The following FAM110B variants were observed in gnomAD, a reference collection of about 807,000 sequenced individuals.
The protein encoded by FAM110B is protein FAM110B.
FAM110B carries 6 observed loss-of-function variants against 20.4 expected under a neutral mutation model. The observed-to-expected ratio is 0.29, with a 90% CI of 0.16 to 0.58. The LOEUF is 0.58. FAM110B is among the 20% of genes least tolerant of loss of function. The pLI is 0.90. For synonymous variants in FAM110B, 226 were observed against 214.1 expected, an observed-to-expected ratio of 1.06 and a Z score of -0.49; for missense variants, 434 against 498.2, an observed-to-expected ratio of 0.87 and a Z score of 1.23.
At chr8:58,092,403 A>AC (rs1177699057) in intron 3 of FAM110B, among the ~76,000 whole-genome samples, 2 of 150,372 alleles carry the variant, frequency 1.3e-5, no homozygotes, top group Non-Finnish European at 3.0e-5. Flanking sequence ...CTAACCCCCT[A>AC]CCCCCCGACA....
At chr8:57,999,146 A>G (rs1804244072) in intron 1 of FAM110B, among the ~76,000 whole-genome samples, 1 of 152,236 alleles carries the variant, frequency 6.6e-6, no homozygotes, top group South Asian at 2.1e-4. Flanking sequence ...CATGTGGATG[A>G]TTAAACAGTT....
rs1312922316 is a variant in FAM110B, at chr8:58,139,270, C to A, written c.-324-6637C>A. On this transcript the variant is annotated intron_variant, in intron 3 of 3. Coordinates refer to ENST00000519262, the MANE Select transcript of FAM110B (RefSeq NM_001377989.1). ...TCAAGAAGATTATTTTACTTGCAAT[C>A]CGGAGCTGATTGCTGATGGCAATGC... Among the ~76,000 whole-genome samples the A allele has an allele frequency of 2.0e-5, 3 of 152,168 alleles. No individual in the cohort carries two copies. In the East Asian group the frequency reaches 5.8e-4, roughly 29 times the overall value.
chr8:58,105,530 C>T (rs930059660), intron 3 of FAM110B, among the ~76,000 whole-genome samples: 14 of 133,068 alleles, frequency 1.1e-4, no homozygotes, highest in Non-Finnish European at 2.1e-4. Context: ...GAAACCTTGT[C>T]TGAAAATGAA....
At chr8:58,116,006 G>A (rs952401312) in intron 3 of FAM110B, among the ~76,000 whole-genome samples, 1 of 152,160 alleles carries the variant, frequency 6.6e-6, no homozygotes, top group South Asian at 2.1e-4. Flanking sequence ...TAAACTCTGT[G>A]TACCAGGTCC....
At chr8:57,998,647 A>G (rs1585798454) in intron 1 of FAM110B, among the ~76,000 whole-genome samples, 1 of 152,362 alleles carries the variant, frequency 6.6e-6, no homozygotes, top group African/African-American at 2.4e-5. Flanking sequence ...TTCTCAAAGA[A>G]GCTAAATGTA....
At position 58,146,425 on chromosome 8, in the gene FAM110B, G is replaced by A. The variant is rs1175129405; in HGVS notation, c.195G>A (p.Gln65=). 10 of 1,613,846 alleles carry A rather than the reference G, an allele frequency of 6.2e-6. No homozygotes were observed. The highest frequency in any genetic ancestry group is 1.3e-5 in the African/African-American group (1 of 74,954). ...ACAAGGCCAAGTACGTCAAGAGCCA[G>A]GAGGTGATCAACGCCAAGCAGGAGC... The part of the protein sequence containing the change: ...EADKAKYVKS[Q]EVINAKQEPV... The change falls in exon 4 of 4, where the codon CAG becomes CAA. Residue 65 remains glutamine, a synonymous_variant. Coordinates refer to ENST00000519262, the MANE Select transcript of FAM110B (RefSeq NM_001377989.1).
intron 3 of FAM110B, among the ~76,000 whole-genome samples, chr8:58,075,863 A>G (rs1445431164): frequency 2.0e-5 from 3 of 152,232 alleles, no homozygotes; most frequent in African/African-American, 4.8e-5. Flanking sequence ...GTTTCATGAT[A>G]CACCTTCTAC....
At chr8:58,079,253 G>A (rs1182282708) in intron 3 of FAM110B, among the ~76,000 whole-genome samples, 1 of 152,166 alleles carries the variant, frequency 6.6e-6, no homozygotes, top group Non-Finnish European at 1.5e-5. Context: ...CGGGAGCCAG[G>A]CTTGCTTTCT....
At chr8:58,139,398 G>A (rs962835982) in intron 3 of FAM110B, among the ~76,000 whole-genome samples, 1 of 152,222 alleles carries the variant, frequency 6.6e-6, no homozygotes, top group South Asian at 2.1e-4. Context: ...AATTGGAAAA[G>A]TGCAGGTCCT....
intron 2 of FAM110B, among the ~76,000 whole-genome samples, chr8:58,040,650 C>T (rs1035214512): frequency 6.6e-6 from 1 of 152,100 alleles, no homozygotes; most frequent in African/African-American, 2.4e-5. Flanking sequence ...CACTGCCTCA[C>T]CTTTTTTGCT....
At chr8:58,145,460 G>C (rs1803839479) in intron 3 of FAM110B, among the ~76,000 whole-genome samples, 1 of 152,190 alleles carries the variant, frequency 6.6e-6, no homozygotes, top group Non-Finnish European at 1.5e-5. Context: ...CATTGCAAAA[G>C]AGATAATTCA....
chr8:58,061,298 G>A (rs1036487792), intron 2 of FAM110B, among the ~76,000 whole-genome samples: 3 of 152,170 alleles, frequency 2.0e-5, no homozygotes, highest in Admixed American at 6.5e-5. Context: ...CTGCTCATCT[G>A]TCGGATACTT....
At position 58,023,396 on chromosome 8, in the gene FAM110B, G is replaced by T. The variant is rs187077291; in HGVS notation, c.-511-8210G>T. On this transcript the variant is annotated intron_variant, in intron 1 of 3. Coordinates refer to ENST00000519262, the MANE Select transcript of FAM110B (RefSeq NM_001377989.1). ...AAAACTGAGCAGCTACAAAATACAT[G>T]TTTTTTTGCAACAGTTTCTGCTGGA... Among the ~76,000 whole-genome samples the T allele has an allele frequency of 2.1e-4, 32 of 152,206 alleles. 1 individual carries two copies. The highest frequency in any genetic ancestry group is 4.1e-4 in the Non-Finnish European group (28 of 67,988).
chr8:58,106,751 A>G (rs1216252648), intron 3 of FAM110B, among the ~76,000 whole-genome samples: 1 of 152,240 alleles, frequency 6.6e-6, no homozygotes, highest in Non-Finnish European at 1.5e-5. Flanking sequence ...GCCAAACCAT[A>G]AAAAAGATGC....
At chr8:58,105,965 A>G (rs1563372008) in intron 3 of FAM110B, among the ~76,000 whole-genome samples, 3 of 152,190 alleles carry the variant, frequency 2.0e-5, no homozygotes, top group Admixed American at 6.5e-5. Flanking sequence ...ATGTTTATGC[A>G]AAGCTTGGGA....
chr8:58,134,882 A>G (rs1455013815), intron 3 of FAM110B, among the ~76,000 whole-genome samples: 5 of 152,240 alleles, frequency 3.3e-5, no homozygotes, highest in Non-Finnish European at 7.3e-5. Flanking sequence ...TTAACAAAAA[A>G]TCAAGGCTTT....
At chr8:58,118,675 A>G (rs1457023537) in intron 3 of FAM110B, among the ~76,000 whole-genome samples, 3 of 152,202 alleles carry the variant, frequency 2.0e-5, no homozygotes, top group African/African-American at 7.2e-5. Context: ...TTGTAGCAGC[A>G]TCAGTTGTGA....
At chr8:58,030,129 A>T (rs183472134) in intron 1 of FAM110B, among the ~76,000 whole-genome samples, 1 of 152,360 alleles carries the variant, frequency 6.6e-6, no homozygotes, top group Admixed American at 6.5e-5. Flanking sequence ...TATATTTTAA[A>T]TCAATATTTC....
intron 2 of FAM110B, among the ~76,000 whole-genome samples, chr8:58,045,784 T>C (rs537610584): frequency 6.6e-6 from 1 of 152,340 alleles, no homozygotes; most frequent in Non-Finnish European, 1.5e-5. Context: ...GGACATTCCT[T>C]TACAGAGAAT....
Sources: gnomAD v4.1 joint callset for allele counts (sites outside exome capture counted in the v4.1 genomes callset) on GRCh38, gnomAD v4.1.1 for gene constraint, MANE v1.5 for transcripts, NCBI Gene and HGNC (gene_info 2026-07-23, HGNC 2026-07-21) for gene names.